TECPR2: variants seen among roughly 807,000 people sequenced by gnomAD.
TECPR2 encodes tectonin beta-propeller repeat-containing protein 2.
A neutral mutation model predicts 138.1 loss-of-function variants in TECPR2; 65 were observed. The observed-to-expected ratio is 0.47, with a 90% CI of 0.39 to 0.58. The LOEUF (loss-of-function observed/expected upper bound fraction) is 0.58. Ranked by LOEUF, TECPR2 falls within the 20% of genes least tolerant of loss-of-function variation. The probability of loss-of-function intolerance (pLI) is 0.00; values close to 1 mark genes in which losing one functional copy is unlikely to be tolerated. For synonymous variants in TECPR2, 746 were observed against 749.8 expected, an observed-to-expected ratio of 0.99 and a Z score of 0.08; for missense variants, 1,553 against 1,824.5, an observed-to-expected ratio of 0.85 and a Z score of 2.71.
intron 17 of TECPR2, among the ~76,000 whole-genome samples, chr14:102,493,789 G>A (rs1308301545): frequency 2.6e-5 from 4 of 152,200 alleles, no homozygotes; most frequent in African/African-American, 7.2e-5. Context: ...GCACAGGCGC[G>A]GCTCCCTCGG....
At chr14:102,488,388 G>T (rs1307383102) in intron 17 of TECPR2, among the ~76,000 whole-genome samples, 1 of 150,164 alleles carries the variant, frequency 6.7e-6, no homozygotes, top group African/African-American at 2.5e-5. Context: ...TGCCCAGGCT[G>T]GAGTGCAATG....
chr14:102,478,853 C>CA (rs1363160963), intron 17 of TECPR2, among the ~76,000 whole-genome samples: 1 of 151,114 alleles, frequency 6.6e-6, no homozygotes, highest in Non-Finnish European at 1.5e-5. Flanking sequence ...CCATCTCTAC[C>CA]AAAAATACAA....
chr14:102,461,183 T>C (rs1439170277), intron 16 of TECPR2, among the ~76,000 whole-genome samples: 1 of 152,176 alleles, frequency 6.6e-6, no homozygotes, highest in East Asian at 1.9e-4. Flanking sequence ...TGGAAGAAAA[T>C]TTGCATCACT....
intron 17 of TECPR2, among the ~76,000 whole-genome samples, chr14:102,488,761 C>A (rs866869539): frequency 6.6e-6 from 1 of 151,888 alleles, no homozygotes; most frequent in South Asian, 2.1e-4. Context: ...CTGTCACAAC[C>A]AAGGCTTGTC....
chr14:102,432,619 T>C (rs533665779), intron 8 of TECPR2, among the ~76,000 whole-genome samples: 269 of 152,086 alleles, frequency 1.8e-3, no homozygotes, highest in African/African-American at 5.7e-3. Context: ...GGTCTTGAAC[T>C]CCCAAACTCA....
intron 4 of TECPR2, among the ~76,000 whole-genome samples, chr14:102,412,123 CTTTTTTTTTT>C (rs751930335): frequency 1.1e-5 from 1 of 90,672 alleles, no homozygotes; most frequent in East Asian, 2.8e-4. Flanking sequence ...AATGTTGACA[CTTTTTTTTTT>C]TTTTTTTTTT....
intron 4 of TECPR2, among the ~76,000 whole-genome samples, 153 bp downstream of exon 4, chr14:102,408,772 T>C (rs1008931585): frequency 6.6e-6 from 1 of 152,278 alleles, no homozygotes. Flanking sequence ...TATAGACTTA[T>C]GTTTTATAAG....
intron 16 of TECPR2, among the ~76,000 whole-genome samples, chr14:102,463,267 AT>A (rs1167884476): frequency 1.3e-5 from 2 of 151,942 alleles, no homozygotes; most frequent in Non-Finnish European, 2.9e-5. Flanking sequence ...AAATACAAAA[AT>A]TAGCTGGACG....
chr14:102,431,605 G>C (rs929543803), intron 7 of TECPR2, among the ~76,000 whole-genome samples, 191 bp from the exon 8 acceptor site: 1 of 152,162 alleles, frequency 6.6e-6, no homozygotes, highest in Non-Finnish European at 1.5e-5. Flanking sequence ...GCCTCCCAAA[G>C]TGCTGGGATT....
rs1248297969 is a variant in TECPR2, at chr14:102,449,637, C to A, written c.3084C>A (p.Ile1028=). The A allele has an allele frequency of 6.2e-7, 1 of 1,614,128 alleles. No homozygotes were observed. The highest frequency in any genetic ancestry group is 8.5e-7 in the Non-Finnish European group (1 of 1,179,980). The change falls in exon 14 of 20, where the codon ATC becomes ATA. Residue 1028 remains isoleucine, a synonymous_variant. Transcript: ENST00000359520. The part of the protein sequence containing the change: ...GDDDHWWQVS[I]TDYVVFDQCS... The stretch of plus-strand genomic sequence containing the variant: ...TTGTCTCCTCCTTCCAGGTGAGCAT[C>A]ACGGACTATGTGGTGTTTGACCAGT...
Position 102,449,640 on chromosome 14 carries a change from G to A in TECPR2, c.3087G>A (p.Thr1029=), listed in dbSNP as rs374084038. The change falls in exon 14 of 20, where the codon ACG becomes ACA. Residue 1029 remains threonine (T), a synonymous_variant. Transcript: ENST00000359520. ...TCTCCTCCTTCCAGGTGAGCATCAC[G>A]GACTATGTGGTGTTTGACCAGTGCA... ...DDDHWWQVSI[T]DYVVFDQCSL... is the part of the protein sequence containing the mutation. 3.4e-5 allele frequency: 55 copies of A among 1,613,970 alleles called. No homozygotes were observed. Among genetic ancestry groups the A allele is most frequent in the East Asian group, 6.7e-5 (3 of 44,898 alleles).
chr14:102,480,665 C>T (rs1890871934), intron 17 of TECPR2, among the ~76,000 whole-genome samples: 1 of 151,482 alleles, frequency 6.6e-6, no homozygotes, highest in Admixed American at 6.6e-5. Flanking sequence ...GGGTATGCAC[C>T]ATCACACCTG....
In TECPR2 at chr14:102,475,151, C is replaced by T. The variant is rs1890730596; in HGVS notation, c.3789+9862C>T. On this transcript the variant is annotated intron_variant, in intron 17 of 19. Coordinates refer to ENST00000359520, the MANE Select transcript of TECPR2 (RefSeq NM_014844.5). ...AGCCAGCTGGAGAGGGAAGTGCTGT[C>T]AGGGCCTTGGAGTGGTCAGAGGATC... is the stretch of plus-strand genomic sequence containing the variant. Among the ~76,000 whole-genome samples, 5 of 152,208 alleles carry T rather than the reference C, an allele frequency of 3.3e-5. 1 individual carries two copies. The highest frequency in any genetic ancestry group is 1.3e-4 in the Admixed American group (2 of 15,276).
chr14:102,417,136 C>T (rs951270265), intron 5 of TECPR2, among the ~76,000 whole-genome samples: 1 of 152,128 alleles, frequency 6.6e-6, no homozygotes, highest in African/African-American at 2.4e-5. Context: ...TCCCCAGGAA[C>T]GTTTTAGGAT....
At chr14:102,401,951 G>A (rs1034158892) in intron 2 of TECPR2, among the ~76,000 whole-genome samples, 4 of 152,152 alleles carry the variant, frequency 2.6e-5, no homozygotes, top group African/African-American at 9.6e-5. Flanking sequence ...TTACAGAATT[G>A]CAGGAAGAAA....
rs764421543 is a variant in TECPR2 at position 102,497,618 on chromosome 14, G to A, written c.3980G>A (p.Arg1327His). The A allele has an allele frequency of 1.3e-5, 21 of 1,608,818 alleles. No homozygotes were observed. Among genetic ancestry groups the A allele is most frequent in the East Asian group, 4.5e-5 (2 of 44,642 alleles). ...LALSTRTVWA[R>H]CPNGDLARRY... ...CTGAGCACCAGGACCGTGTGGGCCC[G>A]CTGTCCAAACGGAGACCTCGCCCGG... The change falls in exon 19 of 20, where the codon CGC becomes CAC. Residue 1327 changes from arginine (R) to histidine (H), a missense_variant. Coordinates refer to ENST00000359520, the MANE Select transcript of TECPR2 (RefSeq NM_014844.5).
At chr14:102,404,579 A>T (rs890526050) in intron 2 of TECPR2, among the ~76,000 whole-genome samples, 12 of 145,836 alleles carry the variant, frequency 8.2e-5, no homozygotes, top group African/African-American at 1.5e-4. Context: ...GTCAAGTGAA[A>T]TTTTTTTTTT....
chr14:102,425,718 GAC>G (rs1322942549), intron 6 of TECPR2, among the ~76,000 whole-genome samples: 3 of 151,464 alleles, frequency 2.0e-5, no homozygotes, highest in East Asian at 1.9e-4. Flanking sequence ...TGGGATTACA[GAC>G]GCATGCCACC....
rs776222726 is a variant in TECPR2 at position 102,449,859 on chromosome 14, A to C, written c.3306A>C (p.Gly1102=). ...AGAATGAATTCCACGTCGCTAAGGG[A>C]AGTCTCATAGGTGGGTGAATTGCTG... ...SGKNEFHVAK[G]SLIGTYWNHV... The change falls in exon 14 of 20, where the codon GGA becomes GGC. Residue 1102 remains glycine, a synonymous_variant. Transcript: ENST00000359520. The C allele has an allele frequency of 6.2e-7, 1 of 1,613,514 alleles. No homozygotes were observed. Among genetic ancestry groups the C allele is most frequent in the South Asian group, 1.1e-5 (1 of 91,070 alleles).
Sources: gnomAD v4.1 joint callset for allele counts (sites outside exome capture counted in the v4.1 genomes callset) on GRCh38, gnomAD v4.1.1 for gene constraint, MANE v1.5 for transcripts, NCBI Gene and HGNC (gene_info 2026-07-23, HGNC 2026-07-21) for gene names.